The following FOXP2 variants were observed in gnomAD, a reference collection of about 807,000 sequenced individuals.
FOXP2 encodes the protein forkhead box protein P2.
A neutral mutation model predicts 115.8 loss-of-function variants in FOXP2; 12 were observed. That is an observed-to-expected ratio of 0.10 (90% confidence interval 0.07 to 0.17). The LOEUF is 0.17. FOXP2 is among the 10% of genes least tolerant of loss of function. FOXP2 has a pLI of 1.00. For synonymous variants in FOXP2, 328 were observed against 297.7 expected, an observed-to-expected ratio of 1.10 and a Z score of -1.05; for missense variants, 629 against 843.5, an observed-to-expected ratio of 0.75 and a Z score of 3.15.
chr7:114,132,586 A>AGT (rs1791918378), intron 1 of FOXP2, among the ~76,000 whole-genome samples: 1 of 140,638 alleles, frequency 7.1e-6, no homozygotes, highest in Non-Finnish European at 1.5e-5. Flanking sequence ...TGTGTGTGAG[A>AGT]GAGAGAGAGA....
At chr7:114,136,748 C>G (rs191565071) in intron 1 of FOXP2, among the ~76,000 whole-genome samples, 1 of 151,688 alleles carries the variant, frequency 6.6e-6, no homozygotes, top group Non-Finnish European at 1.5e-5. Flanking sequence ...AAATCTGTTA[C>G]AATGAATTAT....
chr7:114,142,191 T>G (rs1012497475), intron 1 of FOXP2, among the ~76,000 whole-genome samples: 5 of 152,060 alleles, frequency 3.3e-5, no homozygotes, highest in Non-Finnish European at 7.4e-5. Flanking sequence ...TCCAGCCAGT[T>G]TTTGTGTTTT....
intron 1 of FOXP2, among the ~76,000 whole-genome samples, chr7:114,096,254 C>T (rs926033058): frequency 1.3e-5 from 2 of 152,166 alleles, no homozygotes; most frequent in African/African-American, 2.4e-5. Context: ...CATTTCAATA[C>T]ATTTTACATT....
At chr7:114,219,101 T>A (rs1412232787) in intron 1 of FOXP2, among the ~76,000 whole-genome samples, 2 of 152,186 alleles carry the variant, frequency 1.3e-5, no homozygotes, top group African/African-American at 4.8e-5. Context: ...TCATTTTAGT[T>A]TAAAAGCTAC....
At chr7:114,105,542 C>A (rs1791087867) in intron 1 of FOXP2, among the ~76,000 whole-genome samples, 2 of 151,940 alleles carry the variant, frequency 1.3e-5, no homozygotes, top group Non-Finnish European at 2.9e-5. Flanking sequence ...GTTCATGGAC[C>A]TCCCAACTAG....
chr7:114,499,992 G>A (rs1797493095), intron 2 of FOXP2, among the ~76,000 whole-genome samples: 1 of 152,146 alleles, frequency 6.6e-6, no homozygotes, highest in Admixed American at 6.5e-5. Context: ...GAGGTGGGTG[G>A]ATCACGAGGT....
chr7:114,677,606 T>C (rs1585020131), intron 16 of FOXP2, among the ~76,000 whole-genome samples: 1 of 152,312 alleles, frequency 6.6e-6, no homozygotes, highest in Middle Eastern at 3.4e-3. Flanking sequence ...CTTTGGGGTA[T>C]AGGCAAGCAT....
In FOXP2 at chr7:114,339,594, G is replaced by A. The variant is rs1270113325; in HGVS notation, c.-11+51485G>A. ...TATTTCAGGAGCAGCTGGGTGTGGT[G>A]TTAGTAACACCCTTATGAGATAATC... On this transcript the variant is annotated intron_variant, in intron 2 of 17. Transcript: ENST00000634411. 6.0e-5 allele frequency among the ~76,000 whole-genome samples: 9 copies of A among 151,072 alleles called. No homozygotes were observed. The Admixed American group carries it at 6.0e-4, about 10-fold the overall frequency.
intron 2 of FOXP2, among the ~76,000 whole-genome samples, chr7:114,435,165 T>C (rs1300591963): frequency 6.6e-6 from 1 of 152,164 alleles, no homozygotes; most frequent in Admixed American, 6.6e-5. Flanking sequence ...AAATAAATGG[T>C]TGTTGAAAGC....
intron 1 of FOXP2, among the ~76,000 whole-genome samples, chr7:114,422,555 C>T (rs544860501): frequency 2.0e-5 from 3 of 151,654 alleles, no homozygotes; most frequent in Non-Finnish European, 4.4e-5. Context: ...TATTCATGTG[C>T]ACACATATAC....
intron 1 of FOXP2, among the ~76,000 whole-genome samples, chr7:114,099,643 G>T (rs889815073): frequency 5.9e-5 from 9 of 152,180 alleles, no homozygotes; most frequent in African/African-American, 2.2e-4. Flanking sequence ...AATGGATAAA[G>T]AAACTGTGGT....
intron 3 of FOXP2, among the ~76,000 whole-genome samples, chr7:114,572,502 A>G (rs1801357764): frequency 6.6e-6 from 1 of 151,816 alleles, no homozygotes; most frequent in South Asian, 2.1e-4. Flanking sequence ...TTCTCTGTAT[A>G]TTTTAAAGGA....
chr7:114,234,566 AAAAC>A (rs898492414), intron 1 of FOXP2, among the ~76,000 whole-genome samples: 8 of 152,224 alleles, frequency 5.3e-5, no homozygotes, highest in Admixed American at 2.0e-4. Flanking sequence ...CTTGGAATTT[AAAAC>A]AAACAAACAA....
At chr7:114,514,462 T>C (rs1798230731) in intron 2 of FOXP2, among the ~76,000 whole-genome samples, 1 of 60,194 alleles carries the variant, frequency 1.7e-5, no homozygotes, top group Non-Finnish European at 2.7e-5. Context: ...TCTATTTATA[T>C]TAGTTCAACG....
chr7:114,122,860 T>G (rs1366991533), intron 1 of FOXP2, among the ~76,000 whole-genome samples: 1 of 152,054 alleles, frequency 6.6e-6, no homozygotes, highest in African/African-American at 2.4e-5. Context: ...ATACAGAAAT[T>G]ACTTTTCTTG....
upstream of FOXP2, among the ~76,000 whole-genome samples, chr7:114,410,423 G>A (rs1032391036): frequency 1.3e-5 from 2 of 152,048 alleles, no homozygotes; most frequent in African/African-American, 4.8e-5. Flanking sequence ...GATATTGTTT[G>A]ACCCTGAGGA....
chr7:114,155,174 A>C (rs1402078277), intron 1 of FOXP2, among the ~76,000 whole-genome samples: 1 of 152,104 alleles, frequency 6.6e-6, no homozygotes, highest in Non-Finnish European at 1.5e-5. Flanking sequence ...TAAAATTATA[A>C]GACCCCCAAC....
intron 16 of FOXP2, among the ~76,000 whole-genome samples, chr7:114,686,420 A>T (rs181668999): frequency 0.013 from 2,028 of 152,244 alleles, 21 homozygotes; most frequent in South Asian, 0.044. Context: ...TGATCCACCC[A>T]CCTTGGCCTC....
At chr7:114,110,853 A>G (rs1365122423) in intron 1 of FOXP2, among the ~76,000 whole-genome samples, 1 of 152,162 alleles carries the variant, frequency 6.6e-6, no homozygotes, top group Non-Finnish European at 1.5e-5. Flanking sequence ...TTAAGAATTT[A>G]GTAGTGAGCA....
Sources: gnomAD v4.1 joint callset for allele counts (sites outside exome capture counted in the v4.1 genomes callset) on GRCh38, gnomAD v4.1.1 for gene constraint, MANE v1.5 for transcripts, NCBI Gene and HGNC (gene_info 2026-07-23, HGNC 2026-07-21) for gene names.